The following CPNE6 variants were observed in gnomAD, a reference collection of about 807,000 sequenced individuals.
CPNE6 encodes copine 6.
In CPNE6, 33 loss-of-function variants were observed where a neutral mutation model predicts 71.5. The ratio of observed to expected loss-of-function variants is 0.46; its 90% CI spans 0.35 to 0.62. The LOEUF (loss-of-function observed/expected upper bound fraction) is 0.62, where lower values mean the gene tolerates loss of function less well. Ranked by LOEUF, CPNE6 falls within the 20% of genes least tolerant of loss-of-function variation. The probability of loss-of-function intolerance (pLI) is 0.00; values close to 1 mark genes in which losing one functional copy is unlikely to be tolerated. For synonymous variants in CPNE6, 296 were observed against 293.0 expected (o/e 1.01, Z -0.10); for missense variants, 576 against 747.3 (o/e 0.77, Z 2.67).
At position 24,077,036 on chromosome 14, in the gene CPNE6, A is replaced by G; in HGVS notation, c.1299+24A>G. 1.2e-6 allele frequency: 2 copies of G among 1,606,702 alleles called. No individual in the cohort carries two copies. Among genetic ancestry groups the G allele is most frequent in the African/African-American group, 1.3e-5 (1 of 75,062 alleles). On this transcript the variant is annotated intron_variant, in intron 15 of 17. Transcript: ENST00000397016. This position sits in a 1 kb window ranked among gnomAD's most constrained non-coding sequence, Gnocchi z 6.1. ...CGGTAGGAAGACATGGCGGGCAAAC[A>G]GGAGCTGTCCCATGTGTCTTTAAGT...
chr14:24,075,216 C>T lies in CPNE6; in HGVS notation c.717C>T (p.Ile239=), dbSNP rs373434263. Residue 239 remains isoleucine (I), a synonymous_variant, in exon 9 of 18, where the codon ATC becomes ATT. Transcript: ENST00000397016. This position sits in a 1 kb window ranked among gnomAD's most constrained non-coding sequence, Gnocchi z 4.3. ...ACTCCAGTGGGAAGCATGACTTCAT[C>T]GGCGAGTTCACCAGCACTTTCCAGG... 4.3e-6 allele frequency: 7 copies of T among 1,614,074 alleles called. No individual in the cohort carries two copies. The highest frequency in any genetic ancestry group is 5.9e-6 in the Non-Finnish European group (7 of 1,179,998).
Position 24,075,904 on chromosome 14 carries a change from G to C in CPNE6, c.924+18G>C, listed in dbSNP as rs769377376. 1 of 1,613,630 alleles carries C rather than the reference G, an allele frequency of 6.2e-7. No individual in the cohort carries two copies. Among genetic ancestry groups the C allele is most frequent in the African/African-American group, 1.3e-5 (1 of 74,908 alleles). ...GCTTCACGGTAAAGACTCAGAGGGA[G>C]GGCACACAGGCAAGAGGGAGGGGCT... On this transcript the variant is annotated intron_variant, in intron 11 of 17. Coordinates refer to ENST00000397016, the Ensembl canonical transcript of CPNE6. This position sits in a 1 kb window ranked among gnomAD's most constrained non-coding sequence, Gnocchi z 4.3.
At chr14:24,071,370 T>TG in intron 1 of CPNE6, 192 bp from the exon 1 acceptor site, 2 of 1,444,670 alleles carry the variant, frequency 1.4e-6, no homozygotes, top group Non-Finnish European at 1.8e-6. Flanking sequence ...ACTGTGTCTG[T>TG]GGGGGTCCTG....
In CPNE6 at chr14:24,074,807, G is replaced by C; in HGVS notation, c.672+12G>C. The C allele has an allele frequency of 6.2e-7, 1 of 1,606,786 alleles. No individual in the cohort carries two copies. The highest frequency in any genetic ancestry group is 1.1e-5 in the South Asian group (1 of 90,224). ...ACCGACCTCTCAAGGTGAAGTCCCA[G>C]CCAAGCCAGCACAGCCTACTTAGAG... is the stretch of plus-strand genomic sequence containing the variant. On this transcript the variant is annotated intron_variant, in intron 8 of 17. Coordinates refer to ENST00000397016, the Ensembl canonical transcript of CPNE6. The surrounding 1 kb of genome is among the most constrained non-coding windows in gnomAD (Gnocchi z 4.5).
Position 24,073,625 on chromosome 14 carries a change from A to G in CPNE6, c.295A>G (p.Thr99Ala). The G allele has an allele frequency of 6.2e-7, 1 of 1,613,986 alleles. No individual in the cohort carries two copies. The highest frequency in any genetic ancestry group is 1.7e-4 in the Middle Eastern group (1 of 5,918). The change falls in exon 4 of 18, where the codon ACC becomes GCC. Residue 99 changes from threonine (T) to alanine (A), a missense_variant. Physicochemically the swap from Thr to Ala is moderately conservative, Grantham distance 58 (BLOSUM62 0). Around this residue, in one of 4 missense-constraint regions of CPNE6, gnomAD observed 214 missense variants for 291.2 expected, o/e 0.73. Transcript: ENST00000397016. This position sits in a 1 kb window ranked among gnomAD's most constrained non-coding sequence, Gnocchi z 5.5. The stretch of plus-strand genomic sequence containing the variant: ...CGTGTTCGATGCCGAGGACGGAGCC[A>G]CCAGCCCCCGAAATGATACCTTCCT...
intron 1 of CPNE6, chr14:24,071,157 C>T (rs2035883258): frequency 1.8e-6 from 2 of 1,100,634 alleles, no homozygotes; most frequent in African/African-American, 1.5e-5. Context: ...CAATGTGTAT[C>T]CGCCGGGGGC....
At position 24,073,383 on chromosome 14, in the gene CPNE6, TG is replaced by T; in HGVS notation, c.169-114del. 1 of 1,167,182 alleles carries T rather than the reference TG, an allele frequency of 8.6e-7. No homozygotes were observed. The allele number at this position is 1,167,182 out of a possible 1,614,324, so 72.3% of individuals were successfully genotyped here. A position where few individuals can be genotyped will look rare whatever the true frequency, so the allele number is the denominator to read the frequency against. ...GGGATCAGCTTAGGAAGAGAAGAGC[TG>T]GTTGCTGGGGACGTGGGGGCCCAAG... On this transcript the variant is annotated intron_variant, in intron 3 of 17. Transcript: ENST00000397016. This position sits in a 1 kb window ranked among gnomAD's most constrained non-coding sequence, Gnocchi z 5.5.
In CPNE6 at chr14:24,074,028, T is replaced by C; in HGVS notation, c.349-23T>C. ...GGCAGATGGGGATGTCACAGCTGGGTCTCCCTCCACCTCCATCCCCAGATT... is the reference window on the plus strand; with the variant it reads ...GGCAGATGGGGATGTCACAGCTGGGCCTCCCTCCACCTCCATCCCCAGATT... On this transcript the variant is annotated intron_variant, in intron 4 of 17. Coordinates refer to ENST00000397016, the Ensembl canonical transcript of CPNE6. This position sits in a 1 kb window ranked among gnomAD's most constrained non-coding sequence, Gnocchi z 4.5. 1.2e-6 allele frequency: 2 copies of C among 1,603,728 alleles called. No homozygotes were observed. The highest frequency in any genetic ancestry group is 1.7e-6 in the Non-Finnish European group (2 of 1,170,536).
Position 24,074,384 on chromosome 14 carries a change from AG to A in CPNE6, c.498+21del. On this transcript the variant is annotated intron_variant, in intron 6 of 17. Coordinates refer to ENST00000397016, the Ensembl canonical transcript of CPNE6. The surrounding 1 kb of genome is among the most constrained non-coding windows in gnomAD (Gnocchi z 4.5). The stretch of plus-strand genomic sequence containing the variant: ...CAACAAGGTTGGAACCCCAGAGTCC[AG>A]GCCCCCAACTCCCCTGTCACTCCTA... The A allele has an allele frequency of 6.4e-7, 1 of 1,551,116 alleles. No individual in the cohort carries two copies. The highest frequency in any genetic ancestry group is 8.7e-7 in the Non-Finnish European group (1 of 1,149,300).
In CPNE6 at chr14:24,077,109, C is replaced by T; in HGVS notation, c.1300-45C>T. ...CCTTGGTGGAAACGGTGTCAACGCC[C>T]TTGCACACAAAGCCAACCCTTCCAC... On this transcript the variant is annotated intron_variant, in intron 15 of 17. Coordinates refer to ENST00000397016, the Ensembl canonical transcript of CPNE6. This position sits in a 1 kb window ranked among gnomAD's most constrained non-coding sequence, Gnocchi z 6.1. The T allele has an allele frequency of 2.5e-6, 4 of 1,594,678 alleles. No individual in the cohort carries two copies. The highest frequency in any genetic ancestry group is 1.3e-5 in the African/African-American group (1 of 74,936).
chr14:24,071,501 G>GGCCGCCC, intron 1 of CPNE6, 61 bp from the exon 1 acceptor site: 1 of 1,416,704 alleles, frequency 7.1e-7, no homozygotes. Flanking sequence ...CTGGTGCTGC[G>GGCCGCCC]CCCCCCCCCA....
exon 2 of CPNE6, chr14:24,071,626 C>G (rs1453173310): frequency 8.8e-7 from 1 of 1,132,280 alleles, no homozygotes; most frequent in Non-Finnish European, 1.3e-6. Context: ...AGAGGAGCCC[C>G]CGACCGAGAG....
chr14:24,073,980 T>C lies in CPNE6; in HGVS notation c.349-71T>C. The C allele has an allele frequency of 7.4e-7, 1 of 1,355,812 alleles. No individual in the cohort carries two copies. Among genetic ancestry groups the C allele is most frequent in the Non-Finnish European group, 1.1e-6 (1 of 944,810 alleles). The allele number at this position is 1,355,812 out of a possible 1,614,324, so 84.0% of individuals were successfully genotyped here. On this transcript the variant is annotated intron_variant, in intron 4 of 17. Coordinates refer to ENST00000397016, the Ensembl canonical transcript of CPNE6. The surrounding 1 kb of genome is among the most constrained non-coding windows in gnomAD (Gnocchi z 5.5). ...TTGCAGACACTCAGAGCATTTATTA[T>C]TCCATCCCTTGTACGTGGCCAAGGC...
At position 24,075,124 on chromosome 14, in the gene CPNE6, C is replaced by A. The variant is rs753209687; in HGVS notation, c.673-48C>A. The A allele has an allele frequency of 1.1e-4, 146 of 1,365,366 alleles. 1 individual carries two copies. The highest frequency in any genetic ancestry group is 1.1e-4 in the Non-Finnish European group (107 of 953,388). 84.6% of individuals were successfully genotyped at this position (1,365,366 alleles called of 1,614,324 possible). A position where few individuals can be genotyped will look rare whatever the true frequency, so the allele number is the denominator to read the frequency against. ...CGAGTCCCCCTACTCACCGTGAATA[C>A]CGCAGAGCATCTCCAACCTGACCCC... On this transcript the variant is annotated intron_variant, in intron 8 of 17. Transcript: ENST00000397016. The surrounding 1 kb of genome is among the most constrained non-coding windows in gnomAD (Gnocchi z 4.3).
At chr14:24,071,235 CTG>C (rs2035886195) in intron 1 of CPNE6, 5 of 1,052,204 alleles carry the variant, frequency 4.8e-6, no homozygotes, top group African/African-American at 3.2e-5. Flanking sequence ...ATGTGTGAGC[CTG>C]TGAGTCGTGG....
Position 24,074,825 on chromosome 14 carries a change from A to T in CPNE6, c.672+30A>T, listed in dbSNP as rs772887347. The T allele has an allele frequency of 6.3e-7, 1 of 1,578,952 alleles. No homozygotes were observed. Among genetic ancestry groups the T allele is most frequent in the Admixed American group, 1.7e-5 (1 of 57,384 alleles). ...AGTCCCAGCCAAGCCAGCACAGCCTACTTAGAGCAACCAATCTGCTATCTA... is the reference window on the plus strand; with the variant it reads ...AGTCCCAGCCAAGCCAGCACAGCCTTCTTAGAGCAACCAATCTGCTATCTA... On this transcript the variant is annotated intron_variant, in intron 8 of 17. Transcript: ENST00000397016. The surrounding 1 kb of genome is among the most constrained non-coding windows in gnomAD (Gnocchi z 4.5).
chr14:24,076,516 A>G, exon 14 of CPNE6: 1 of 1,614,112 alleles, frequency 6.2e-7, no homozygotes, highest in Non-Finnish European at 8.5e-7. Context: ...GTGTCCCATG[A>G]CTTTGCTATC....
At position 24,074,492 on chromosome 14, in the gene CPNE6, T is replaced by G; in HGVS notation, c.499-39T>G. On this transcript the variant is annotated intron_variant, in intron 6 of 17. Coordinates refer to ENST00000397016, the Ensembl canonical transcript of CPNE6. The surrounding 1 kb of genome is among the most constrained non-coding windows in gnomAD (Gnocchi z 4.5). ...GCCCATCCCCCACCCTCCTTGCAGC[T>G]CTCACCAACCTCAAGGGCCCTTTCT... 1 of 1,605,060 alleles carries G rather than the reference T, an allele frequency of 6.2e-7. No individual in the cohort carries two copies. Among genetic ancestry groups the G allele is most frequent in the Non-Finnish European group, 8.5e-7 (1 of 1,171,994 alleles).
rs2138845741 is a variant in CPNE6 at position 24,073,701 on chromosome 14, G to A, written c.348+23G>A. On this transcript the variant is annotated intron_variant, in intron 4 of 17. Transcript: ENST00000397016. The surrounding 1 kb of genome is among the most constrained non-coding windows in gnomAD (Gnocchi z 5.5). ...CAGGTCTGCATTCCCGGCCTCCCCG[G>A]CTACCCTACCCTACCTCCATCAGCT... is the stretch of plus-strand genomic sequence containing the variant. 4 of 1,603,054 alleles carry A rather than the reference G, an allele frequency of 2.5e-6. No homozygotes were observed. The highest frequency in any genetic ancestry group is 3.4e-6 in the Non-Finnish European group (4 of 1,174,026).
Sources: allele counts gnomAD v4.1 joint callset, GRCh38; gene constraint gnomAD v4.1.1; regional missense constraint gnomAD v4.1.1; non-coding constraint Gnocchi (gnomAD v3.1); transcripts MANE v1.5; gene names NCBI Gene and HGNC (gene_info 2026-07-23, HGNC 2026-07-21).